The following CRCP variants were observed in gnomAD, a reference collection of about 807,000 sequenced individuals.
The protein encoded by CRCP is DNA-directed RNA polymerase III subunit RPC9.
Under a neutral mutation model 18.5 loss-of-function variants are expected in CRCP, and 18 were observed. The observed-to-expected ratio is 0.97, with a 90% confidence interval of 0.67 to 1.44. The LOEUF is 1.44. Ranked by LOEUF, CRCP falls within the 40% of genes most tolerant of loss-of-function variation. The pLI is 0.00. For missense variants in CRCP, 130 were observed against 176.4 expected, an observed-to-expected ratio of 0.74 and a Z score of 1.49; for synonymous variants, 53 against 62.9, an observed-to-expected ratio of 0.84 and a Z score of 0.75.
intron 3 of CRCP, among the ~76,000 whole-genome samples, chr7:66,131,216 C>T (rs868712935): frequency 9.9e-5 from 15 of 152,134 alleles, no homozygotes; most frequent in South Asian, 4.1e-4. Flanking sequence ...CCTCGTGATC[C>T]GTCCGCCTAG....
At chr7:66,123,430 G>A (rs1275421512) in intron 1 of CRCP, among the ~76,000 whole-genome samples, 3 of 152,070 alleles carry the variant, frequency 2.0e-5, no homozygotes, top group African/African-American at 2.4e-5. Context: ...TGCTAGATGT[G>A]TCTATTAAGT....
intron 1 of CRCP, among the ~76,000 whole-genome samples, chr7:66,122,986 G>A (rs866093262): frequency 6.1e-4 from 85 of 138,924 alleles, no homozygotes; most frequent in Middle Eastern, 4.3e-3. Flanking sequence ...ATGGAGTCTC[G>A]CTCTGTCGCC....
At chr7:66,149,772 G>A (rs1194793422) in intron 5 of CRCP, among the ~76,000 whole-genome samples, 1 of 151,986 alleles carries the variant, frequency 6.6e-6, no homozygotes, top group African/African-American at 2.4e-5. Flanking sequence ...GGATCACTAG[G>A]ATAAATGACA....
At chr7:66,137,556 C>T (rs1373667823) in intron 4 of CRCP, among the ~76,000 whole-genome samples, 1 of 152,236 alleles carries the variant, frequency 6.6e-6, no homozygotes, top group African/African-American at 2.4e-5. Context: ...CAGTCCTTCA[C>T]CATTAAGTAT....
At chr7:66,135,964 A>G (rs894678481) in intron 4 of CRCP, among the ~76,000 whole-genome samples, 32 of 152,132 alleles carry the variant, frequency 2.1e-4, no homozygotes, top group African/African-American at 7.7e-4. Context: ...AGTTTGTATG[A>G]CATATCGCAT....
intron 4 of CRCP, among the ~76,000 whole-genome samples, chr7:66,137,204 G>A (rs1787998236): frequency 1.3e-5 from 2 of 151,992 alleles, no homozygotes; most frequent in Admixed American, 6.6e-5. Context: ...AATTTTTTTA[G>A]ATTTATACCT....
In CRCP at chr7:66,138,787, C is replaced by T. The variant is rs149660539; in HGVS notation, c.239+4413C>T. On this transcript the variant is annotated intron_variant, in intron 4 of 5. Transcript: ENST00000395326. ...CGGCCTGGGGGACAGAGCGAGACTCCGTCTCAAAAAAAAAAAAAAATTTAA... is the reference window on the plus strand; with the variant it reads ...CGGCCTGGGGGACAGAGCGAGACTCTGTCTCAAAAAAAAAAAAAAATTTAA... Among the ~76,000 whole-genome samples the T allele has an allele frequency of 6.6e-3, 628 of 95,336 alleles. 31 individuals are homozygous for T. In the East Asian group the frequency reaches 0.13, roughly 20 times the overall value. 62.5% of individuals were successfully genotyped at this position (95,336 alleles called of 152,430 possible). A position where few individuals can be genotyped will look rare whatever the true frequency, so the allele number is the denominator to read the frequency against.
chr7:66,122,753 T>A (rs1787484689), intron 1 of CRCP, among the ~76,000 whole-genome samples: 1 of 152,136 alleles, frequency 6.6e-6, no homozygotes, highest in African/African-American at 2.4e-5. Flanking sequence ...TTCGGGAGAC[T>A]GGATCAAGGT....
At chr7:66,124,293 GA>G (rs572380312) in intron 1 of CRCP, among the ~76,000 whole-genome samples, 1,520 of 151,662 alleles carry the variant, frequency 0.01, 15 homozygotes, top group Non-Finnish European at 0.014. Flanking sequence ...CTGGGAGGCG[GA>G]GCTTGCAGCG....
At chr7:66,147,370 G>A (rs915422805) in intron 5 of CRCP, among the ~76,000 whole-genome samples, 3 of 151,138 alleles carry the variant, frequency 2.0e-5, no homozygotes, top group South Asian at 2.1e-4. Flanking sequence ...TGCATGGGGT[G>A]TGCCAGACAC....
rs994258840 is a variant in CRCP at position 66,154,387 on chromosome 7, G to C, written c.*2030G>C. 2.0e-5 allele frequency: 3 copies of C among 151,880 alleles called. No individual in the cohort carries two copies. Among genetic ancestry groups the C allele is most frequent in the Admixed American group, 6.6e-5 (1 of 15,240 alleles). 9.4% of individuals were successfully genotyped at this position (151,880 alleles called of 1,614,324 possible). On this transcript the variant is annotated 3_prime_UTR_variant, in exon 6 of 6. Coordinates refer to ENST00000395326, the MANE Select transcript of CRCP (RefSeq NM_014478.5). ...AGACAGGGTTTTGCCATATTGGCCA[G>C]GCTAGTCGTAATGTCTCTTTTTAAC...
chr7:66,117,903 G>T (rs530221021), intron 1 of CRCP, among the ~76,000 whole-genome samples: 2 of 152,156 alleles, frequency 1.3e-5, no homozygotes, highest in African/African-American at 2.4e-5. Context: ...ACTTCCTGAG[G>T]ACCATTGCGT....
rs1461134822 is a variant in CRCP, at chr7:66,134,296, C to G, written c.161C>G (p.Ser54Ter). ...TITYETLKYI[S>*]KTPCRHQSPE... is the part of the protein sequence containing the mutation. ...TTTTGCCAGACGTTAAAATACATAT[C>G]AAAAACACCATGCAGGCACCAGAGT... The change falls in exon 4 of 6, where the codon TCA becomes TGA. Residue 54 changes from serine (S) to a stop codon, truncating the protein, a stop_gained. Transcript: ENST00000395326. LOFTEE classifies it high-confidence loss of function. 6.4e-7 allele frequency: 1 copy of G among 1,570,598 alleles called. No homozygotes were observed. Among genetic ancestry groups the G allele is most frequent in the East Asian group, 2.3e-5 (1 of 43,116 alleles).
At chr7:66,149,310 G>T (rs1788387754) in intron 5 of CRCP, among the ~76,000 whole-genome samples, 1 of 152,064 alleles carries the variant, frequency 6.6e-6, no homozygotes, top group African/African-American at 2.4e-5. Context: ...GATCACTTGA[G>T]CCCAGGAGTT....
intron 4 of CRCP, among the ~76,000 whole-genome samples, chr7:66,143,778 T>C (rs1788208159): frequency 6.6e-6 from 1 of 152,236 alleles, no homozygotes; most frequent in Non-Finnish European, 1.5e-5. Context: ...AGACAAGTTA[T>C]TTACTCTCTC....
intron 1 of CRCP, chr7:66,120,438 G>T (rs1787404150): frequency 6.6e-6 from 1 of 152,080 alleles, no homozygotes; most frequent in Non-Finnish European, 1.5e-5. Flanking sequence ...AACCAATCAA[G>T]AATTTTGCAG....
At chr7:66,151,676 T>TGTGTGTGG in intron 5 of CRCP, among the ~76,000 whole-genome samples, 1 of 8,388 alleles carries the variant, frequency 1.2e-4, no homozygotes. Flanking sequence ...CTTCTCTCTG[T>TGTGTGTGG]GTGTGTGTGT....
rs1218402433 is a variant in CRCP, at chr7:66,154,567, A to G, written c.*2210A>G. On this transcript the variant is annotated 3_prime_UTR_variant, in exon 6 of 6. Coordinates refer to ENST00000395326, the MANE Select transcript of CRCP (RefSeq NM_014478.5). ...TAAAGTGAAATCTGACTGAGGCTAA[A>G]ATGTGTGATTTTTTTCTTAAAAGAC... 1 of 151,748 alleles carries G rather than the reference A, an allele frequency of 6.6e-6. No individual in the cohort carries two copies. The highest frequency in any genetic ancestry group is 1.9e-4 in the East Asian group (1 of 5,176). 9.4% of individuals were successfully genotyped at this position (151,748 alleles called of 1,614,324 possible). A position where few individuals can be genotyped will look rare whatever the true frequency, so the allele number is the denominator to read the frequency against.
In CRCP at chr7:66,130,828, A is replaced by T. The variant is rs1158812873; in HGVS notation, c.130A>T (p.Thr44Ser). 2.6e-6 allele frequency: 4 copies of T among 1,568,050 alleles called. No homozygotes were observed. The African/African-American group carries it at 5.4e-5, about 21-fold the overall frequency. ...CAGCTCTGGGCAACAGAACTTGAACACTATCACCTATGAAGTAAGGCTGGG... is the reference window on the plus strand; with the variant it reads ...CAGCTCTGGGCAACAGAACTTGAACTCTATCACCTATGAAGTAAGGCTGGG... ...KHSSGQQNLN[T>S]ITYETLKYIS... The change falls in exon 3 of 6, where the codon ACT becomes TCT. Residue 44 changes from threonine to serine, a missense_variant. Transcript: ENST00000395326.
Sources: gnomAD v4.1 joint callset for allele counts (sites outside exome capture counted in the v4.1 genomes callset) on GRCh38, gnomAD v4.1.1 for gene constraint, MANE v1.5 for transcripts, NCBI Gene and HGNC (gene_info 2026-07-23, HGNC 2026-07-21) for gene names.